The following MICAL2 variants were observed in gnomAD, a reference collection of about 807,000 sequenced individuals.
MICAL2 encodes the protein microtubule associated monooxygenase, calponin and LIM domain containing 2.
Under a neutral mutation model 127.3 loss-of-function variants are expected in MICAL2, and 77 were observed. The ratio of observed to expected loss-of-function variants is 0.60; its 90% CI spans 0.50 to 0.73. The LOEUF is 0.73. Ranked by LOEUF, MICAL2 falls within the 30% of genes least tolerant of loss-of-function variation. The pLI, the probability that MICAL2 is intolerant of heterozygous loss-of-function variation, is 0.00. For synonymous variants in MICAL2, 570 were observed against 551.1 expected (o/e 1.03, Z -0.48); for missense variants, 1,351 against 1,434.4 (o/e 0.94, Z 0.94).
chr11:12,174,216 C>T (rs1007378685), intron 3 of MICAL2, among the ~76,000 whole-genome samples: 1 of 150,608 alleles, frequency 6.6e-6, no homozygotes, highest in Non-Finnish European at 1.5e-5. Context: ...AAAATTTTAA[C>T]CATTTTAAAA....
chr11:12,146,745 A>G (rs1852951515), intron 2 of MICAL2, among the ~76,000 whole-genome samples: 1 of 152,242 alleles, frequency 6.6e-6, no homozygotes, highest in Admixed American at 6.5e-5. Context: ...TCATGCTGCT[A>G]TAAAGACACA....
At chr11:12,339,911 G>A (rs1298201624) in intron 32 of MICAL2, among the ~76,000 whole-genome samples, 1 of 152,204 alleles carries the variant, frequency 6.6e-6, no homozygotes, top group East Asian at 1.9e-4. Flanking sequence ...ACTTGAGGAG[G>A]CAGTCTGCCC....
chr11:12,341,182 G>T (rs978223122), intron 32 of MICAL2, among the ~76,000 whole-genome samples: 1 of 152,134 alleles, frequency 6.6e-6, no homozygotes, highest in South Asian at 2.1e-4. Flanking sequence ...CATTCCAGGG[G>T]AGAGGCCCTG....
chr11:12,134,566 T>A (rs1406878107), intron 1 of MICAL2, among the ~76,000 whole-genome samples: 2 of 152,196 alleles, frequency 1.3e-5, no homozygotes, highest in Non-Finnish European at 1.5e-5. Flanking sequence ...CTTGGCTTCC[T>A]GGGTCTCACT....
At chr11:12,236,324 C>T (rs1040091528) in intron 16 of MICAL2, 79 bp downstream of exon 16, 1 of 1,287,558 alleles carries the variant, frequency 7.8e-7, no homozygotes. Flanking sequence ...ACTGTGGTAG[C>T]AGCCTGGCCC....
intron 3 of MICAL2, among the ~76,000 whole-genome samples, chr11:12,195,540 A>G (rs570443553): frequency 1.3e-5 from 2 of 151,642 alleles, no homozygotes; most frequent in African/African-American, 4.8e-5. Context: ...AAATGTTGCC[A>G]AAAAATGTTG....
chr11:12,267,839 C>T (rs375769107), downstream of MICAL2, among the ~76,000 whole-genome samples: 6 of 152,268 alleles, frequency 3.9e-5, no homozygotes, highest in South Asian at 4.1e-4. Context: ...GTGATCCTCC[C>T]GCCTCAGCTT....
chr11:12,277,802 C>T (rs1024704075), intron 1 of MICAL2, among the ~76,000 whole-genome samples: 8 of 152,152 alleles, frequency 5.3e-5, no homozygotes, highest in African/African-American at 9.7e-5. Context: ...ATTGTGTGAA[C>T]ATGATAGAGG....
Position 12,239,597 on chromosome 11 carries a change from C to T in MICAL2, c.2214+12C>T, listed in dbSNP as rs1241818878. 1.9e-6 allele frequency: 3 copies of T among 1,612,618 alleles called. No homozygotes were observed. The highest frequency in any genetic ancestry group is 1.7e-6 in the Non-Finnish European group (2 of 1,179,376). ...CACTCATGAAGCAGGTGAGTCATGTCAAATACTCACTGGACCTAACTTCCT... is the reference window on the plus strand; with the variant it reads ...CACTCATGAAGCAGGTGAGTCATGTTAAATACTCACTGGACCTAACTTCCT... On this transcript the variant is annotated intron_variant, in intron 17 of 27. Transcript: ENST00000683283.
downstream of MICAL2, chr11:12,293,711 T>A (rs752974253): frequency 7.4e-6 from 12 of 1,613,916 alleles, no homozygotes; most frequent in Admixed American, 1.3e-4. Flanking sequence ...GGCAGAGTAC[T>A]GCCTGGTGAG....
chr11:12,244,279 A>G (rs934133778), intron 21 of MICAL2, among the ~76,000 whole-genome samples, 167 bp downstream of exon 21: 1 of 152,214 alleles, frequency 6.6e-6, no homozygotes, highest in Non-Finnish European at 1.5e-5. Flanking sequence ...GTTAGAGCAC[A>G]CAACACGGCA....
downstream of MICAL2, among the ~76,000 whole-genome samples, chr11:12,264,007 C>T (rs1267213326): frequency 6.6e-6 from 1 of 152,122 alleles, no homozygotes; most frequent in South Asian, 2.1e-4. Context: ...GGATCTCTTT[C>T]TTGAACACTC....
chr11:12,212,020 A>G (rs1855528675), intron 6 of MICAL2, among the ~76,000 whole-genome samples: 1 of 152,150 alleles, frequency 6.6e-6, no homozygotes, highest in African/African-American at 2.4e-5. Flanking sequence ...TGCATGGTCC[A>G]TGTTCCACGG....
downstream of MICAL2, among the ~76,000 whole-genome samples, chr11:12,292,849 C>A (rs1430856627): frequency 6.6e-6 from 1 of 152,208 alleles, no homozygotes; most frequent in Non-Finnish European, 1.5e-5. Context: ...TCTGGTGAAG[C>A]CCCTGTGCTA....
chr11:12,201,146 G>A (rs902366146), intron 3 of MICAL2, among the ~76,000 whole-genome samples: 1 of 151,964 alleles, frequency 6.6e-6, no homozygotes, highest in South Asian at 2.1e-4. Context: ...GTTCTTTCCC[G>A]GTGGCTCTAT....
intron 23 of MICAL2, 43 bp from the exon 24 acceptor site, chr11:12,256,742 G>A (rs369501720): frequency 2.2e-5 from 33 of 1,521,100 alleles, no homozygotes; most frequent in South Asian, 1.5e-4. Flanking sequence ...TTGAAGGCTC[G>A]GGATAAGCCA....
In MICAL2 at chr11:12,195,264, CAAACAAAACCA is replaced by C. The variant is rs369877878; in HGVS notation, c.265-8975_265-8965del. 2.8e-3 allele frequency among the ~76,000 whole-genome samples: 430 copies of C among 152,232 alleles called. 4 individuals are homozygous for C. Among genetic ancestry groups the C allele is most frequent in the African/African-American group, 9.6e-3 (400 of 41,530 alleles). On this transcript the variant is annotated intron_variant, in intron 3 of 27. Transcript: ENST00000683283. ...AGAGCAAGACCCTGTCTCTAAAAAC[CAAACAAAACCA>C]AAACAAAACCTTGAGCAAATATTGA...
intron 21 of MICAL2, among the ~76,000 whole-genome samples, chr11:12,247,784 T>C (rs1860965434): frequency 6.6e-6 from 1 of 152,256 alleles, no homozygotes; most frequent in Admixed American, 6.5e-5. Flanking sequence ...GATTTGGTGA[T>C]AAACAGATTT....
Position 12,150,219 on chromosome 11 carries a change from A to G in MICAL2, c.-78+11759A>G, listed in dbSNP as rs571031333. On this transcript the variant is annotated intron_variant, in intron 2 of 27. Coordinates refer to ENST00000683283, the MANE Select transcript of MICAL2 (RefSeq NM_001282663.2). ...GTTGGATTTGTGCGCATTTTGGGGAATGACTTCATATTGATAAATTCACAA... is the reference window on the plus strand; with the variant it reads ...GTTGGATTTGTGCGCATTTTGGGGAGTGACTTCATATTGATAAATTCACAA... Among the ~76,000 whole-genome samples, 11 of 152,346 alleles carry G rather than the reference A, an allele frequency of 7.2e-5. No homozygotes were observed. In the South Asian group the frequency reaches 2.3e-3, roughly 32 times the overall value.
Sources: gnomAD v4.1 joint callset for allele counts (sites outside exome capture counted in the v4.1 genomes callset) on GRCh38, gnomAD v4.1.1 for gene constraint, MANE v1.5 for transcripts, NCBI Gene and HGNC (gene_info 2026-07-23, HGNC 2026-07-21) for gene names.